Variants in MROH7 observed in about 807,000 individuals in gnomAD.
MROH7 encodes maestro heat-like repeat-containing protein family member 7.
In MROH7, 113 loss-of-function variants were observed where a neutral mutation model predicts 129.2. The observed-to-expected ratio is 0.87, with a 90% CI of 0.75 to 1.02. The LOEUF (loss-of-function observed/expected upper bound fraction) is 1.02. Among genes scored for constraint, MROH7 ranks in the 50% least tolerant of loss-of-function variants. The probability of loss-of-function intolerance (pLI) is 0.00; values close to 1 mark genes in which losing one functional copy is unlikely to be tolerated. For synonymous variants in MROH7, 655 were observed against 667.9 expected (o/e 0.98, Z 0.30); for missense variants, 1,601 against 1,671.3 (o/e 0.96, Z 0.73).
chr1:54,700,391 G>A lies in MROH7; in HGVS notation c.3035G>A (p.Ser1012Asn). 1 of 1,614,008 alleles carries A rather than the reference G, an allele frequency of 6.2e-7. No individual in the cohort carries two copies. Among genetic ancestry groups the A allele is most frequent in the Non-Finnish European group, 8.5e-7 (1 of 1,179,948 alleles). Reference sequence around the variant, plus strand: ...CTGGGGCGGATGGCAGAAGGCCTGAGCCACCACGACCCCATCATGAAGGTG... The same window carrying A: ...CTGGGGCGGATGGCAGAAGGCCTGAACCACCACGACCCCATCATGAAGGTG... ...YSLGRMAEGLSHHDPIMKVLS... is the reference protein window; with the variant it reads ...YSLGRMAEGLNHHDPIMKVLS... The change falls in exon 18 of 24, where the codon AGC becomes AAC. Residue 1012 changes from serine (S) to asparagine (N), a missense_variant. By Grantham distance (46) the Ser-to-Asn change is conservative. Coordinates refer to ENST00000421030, the MANE Select transcript of MROH7 (RefSeq NM_001039464.4).
chr1:54,700,272 C>A, intron 17 of MROH7, 49 bp from the exon 18 acceptor site: 1 of 1,612,404 alleles, frequency 6.2e-7, no homozygotes, highest in South Asian at 1.1e-5. Flanking sequence ...GGCCAGGGGG[C>A]TGCCCTGCCC....
chr1:54,669,243 G>A (rs913667916), intron 5 of MROH7, among the ~76,000 whole-genome samples: 4 of 152,176 alleles, frequency 2.6e-5, no homozygotes, highest in Non-Finnish European at 5.9e-5. Context: ...TGTACACCCA[G>A]AAGCATTTCT....
intron 15 of MROH7, among the ~76,000 whole-genome samples, chr1:54,690,544 C>T (rs542252760): frequency 2.3e-4 from 34 of 148,962 alleles, no homozygotes; most frequent in Admixed American, 1.9e-3. Context: ...CCCGGGTTCA[C>T]GCCATTCTCC....
intron 11 of MROH7, 40 bp from the exon 12 acceptor site, chr1:54,679,223 T>TA (rs781669169): frequency 1.7e-5 from 27 of 1,609,386 alleles, no homozygotes; most frequent in Non-Finnish European, 2.3e-5. Context: ...AAGCTCGGGC[T>TA]ACCCATCAGT....
In MROH7 at chr1:54,710,008, G is replaced by T; in HGVS notation, c.3793G>T (p.Asp1265Tyr). 1.2e-6 allele frequency: 2 copies of T among 1,614,094 alleles called. No individual in the cohort carries two copies. The highest frequency in any genetic ancestry group is 2.2e-5 in the South Asian group (2 of 91,066). Residue 1265 changes from aspartate to tyrosine, a missense_variant, in exon 24 of 24, where the codon GAC (aspartate) becomes TAC (tyrosine). By Grantham distance (160) the Asp-to-Tyr change is radical. Coordinates refer to ENST00000421030, the MANE Select transcript of MROH7 (RefSeq NM_001039464.4). ...SVCIYAAQVQ[D>Y]HILASCWQNS... ...GTGCATCTACGCAGCCCAGGTCCAG[G>T]ACCACATCCTGGCCAGCTGCTGGCA... is the stretch of plus-strand genomic sequence containing the variant.
In MROH7 at chr1:54,679,219, G is replaced by A. The variant is rs558410460; in HGVS notation, c.2050-44G>A. ...GCACAAAGCTCGAAGCTCAAAGCTCGGGCTACCCATCAGTGTGTCATGATC... is the reference window on the plus strand; with the variant it reads ...GCACAAAGCTCGAAGCTCAAAGCTCAGGCTACCCATCAGTGTGTCATGATC... On this transcript the variant is annotated intron_variant, in intron 11 of 23. Coordinates refer to ENST00000421030, the MANE Select transcript of MROH7 (RefSeq NM_001039464.4). 8.1e-6 allele frequency: 13 copies of A among 1,606,550 alleles called. No individual in the cohort carries two copies. The African/African-American group carries it at 1.1e-4, about 13-fold the overall frequency.
chr1:54,690,818 G>A (rs573642856), intron 15 of MROH7, among the ~76,000 whole-genome samples: 67 of 152,300 alleles, frequency 4.4e-4, no homozygotes, highest in African/African-American at 1.5e-3. Context: ...CCAAGCCATG[G>A]CTATCTGGAA....
chr1:54,687,127 G>T (rs1227959767), intron 15 of MROH7, among the ~76,000 whole-genome samples: 1 of 151,954 alleles, frequency 6.6e-6, no homozygotes, highest in Non-Finnish European at 1.5e-5. Flanking sequence ...AGGCTGGAGT[G>T]CAGTGGCGCA....
chr1:54,671,596 C>T (rs575023976), intron 7 of MROH7, among the ~76,000 whole-genome samples: 15 of 152,182 alleles, frequency 9.9e-5, no homozygotes, highest in South Asian at 2.1e-4. Context: ...GGGGCTCATG[C>T]GAGCATCTTC....
intron 15 of MROH7, among the ~76,000 whole-genome samples, chr1:54,687,553 AG>A: frequency 6.6e-6 from 1 of 152,352 alleles, no homozygotes; most frequent in Non-Finnish European, 1.5e-5. Context: ...TTTTATATGT[AG>A]GACAATTCCT....
In MROH7 at chr1:54,682,659, T is replaced by C. The variant is rs1569940774; in HGVS notation, c.2385T>C (p.Asn795=). The C allele has an allele frequency of 1.9e-6, 3 of 1,612,834 alleles. No homozygotes were observed. Among genetic ancestry groups the C allele is most frequent in the Non-Finnish European group, 1.7e-6 (2 of 1,179,418 alleles). The change falls in exon 14 of 24, where the codon AAT becomes AAC. Residue 795 remains asparagine, a synonymous_variant. Transcript: ENST00000421030. ...GCCCACATCCCTGACCTCTCAGCAA[T>C]GGAGCAGAGATGTGGAGGCAGCTGA... ...LLMCPLPLNS[N]GAEMWRQLIL...
At chr1:54,651,787 A>ACTCTCTCTCTCTCTCT (rs4060836) in intron 1 of MROH7, 162 bp from the exon 2 acceptor site, 10 of 128,812 alleles carry the variant, frequency 7.8e-5, no homozygotes, top group East Asian at 4.9e-4. Flanking sequence ...TATTAAACTT[A>ACTCTCTCTCTCTCTCT]CTCTCTCTCT....
chr1:54,668,917 A>G lies in MROH7; in HGVS notation c.1369A>G (p.Thr457Ala), dbSNP rs1644853821. Residue 457 changes from threonine to alanine, a missense_variant, in exon 5 of 24, where the codon ACC becomes GCC. Coordinates refer to ENST00000421030, the MANE Select transcript of MROH7 (RefSeq NM_001039464.4). Reference protein sequence around the residue: ...DLLEAEGEKKTMIKKIMRQIQ... With the variant: ...DLLEAEGEKKAMIKKIMRQIQ... The stretch of plus-strand genomic sequence containing the variant: ...GCTGGAGGCAGAAGGAGAAAAGAAG[A>G]CCATGATAAAGAAGATTATGGTGGG... 6.2e-7 allele frequency: 1 copy of G among 1,613,414 alleles called. No individual in the cohort carries two copies. The highest frequency in any genetic ancestry group is 8.5e-7 in the Non-Finnish European group (1 of 1,179,662).
intron 15 of MROH7, among the ~76,000 whole-genome samples, chr1:54,687,557 C>CA: frequency 6.6e-6 from 1 of 152,246 alleles, no homozygotes; most frequent in Non-Finnish European, 1.5e-5. Flanking sequence ...ATATGTAGGA[C>CA]AATTCCTGAA....
At chr1:54,685,024 T>G (rs1464087031) in intron 14 of MROH7, among the ~76,000 whole-genome samples, 2 of 152,056 alleles carry the variant, frequency 1.3e-5, no homozygotes, top group African/African-American at 4.8e-5. Context: ...TCTCCTTTTT[T>G]TTTTTGAGAC....
At chr1:54,708,980 G>A in intron 22 of MROH7, 34 bp from the exon 23 acceptor site, 1 of 1,610,880 alleles carries the variant, frequency 6.2e-7, no homozygotes, top group Non-Finnish European at 8.5e-7. Context: ...GACGTCGGAA[G>A]ACAAATGCCC....
chr1:54,670,573 T>G lies in MROH7; in HGVS notation c.1466T>G (p.Leu489Arg). ...CAGGCCATGGAGATCCTGACCCAGC[T>G]GAGGTGTCCATGGCCCTCTCCCTGT... The part of the protein sequence containing the change: ...RKQAMEILTQ[L>R]SHTQPTLGMR... Residue 489 changes from leucine (L) to arginine (R), a missense_variant, in exon 6 of 24, where the codon CTG (leucine) becomes CGG (arginine). Leu to Arg is a moderately radical substitution (Grantham distance 102). Coordinates refer to ENST00000421030, the MANE Select transcript of MROH7 (RefSeq NM_001039464.4). The G allele has an allele frequency of 1.9e-6, 3 of 1,612,550 alleles. No individual in the cohort carries two copies. The highest frequency in any genetic ancestry group is 2.5e-6 in the Non-Finnish European group (3 of 1,179,278).
intron 14 of MROH7, among the ~76,000 whole-genome samples, chr1:54,683,137 G>A (rs924707935): frequency 4.6e-5 from 7 of 152,122 alleles, no homozygotes; most frequent in Non-Finnish European, 8.8e-5. Flanking sequence ...AGGAGTTTGA[G>A]GCCAGCCTGG....
At chr1:54,683,686 T>C (rs1275410767) in intron 14 of MROH7, among the ~76,000 whole-genome samples, 6 of 152,180 alleles carry the variant, frequency 3.9e-5, no homozygotes, top group Non-Finnish European at 8.8e-5. Flanking sequence ...GTCCTCCTGC[T>C]TGCTTTGCTC....
Sources: gnomAD v4.1 joint callset for allele counts (sites outside exome capture counted in the v4.1 genomes callset) on GRCh38, gnomAD v4.1.1 for gene constraint, MANE v1.5 for transcripts, NCBI Gene and HGNC (gene_info 2026-07-23, HGNC 2026-07-21) for gene names.